AGPS: variants seen among roughly 807,000 people sequenced by gnomAD.
AGPS encodes the protein alkyldihydroxyacetonephosphate synthase, peroxisomal.
AGPS carries 26 observed loss-of-function variants against 90.7 expected under a neutral mutation model. That is an observed-to-expected ratio of 0.29 (90% CI 0.21 to 0.40). The LOEUF is 0.40. Ranked by LOEUF, AGPS falls within the 10% of genes least tolerant of loss-of-function variation. AGPS has a pLI of 1.00. For missense variants in AGPS, 540 were observed against 816.1 expected, an observed-to-expected ratio of 0.66 and a Z score of 4.12; for synonymous variants, 294 against 285.3, an observed-to-expected ratio of 1.03 and a Z score of -0.31.
At position 177,405,540 on chromosome 2, in the gene AGPS, G is replaced by A. The variant is rs370836202; in HGVS notation, c.260+12491G>A. Among the ~76,000 whole-genome samples, 54 of 152,174 alleles carry A rather than the reference G, an allele frequency of 3.5e-4. 1 individual carries two copies. The South Asian group carries it at 0.01, about 29-fold the overall frequency. On this transcript the variant is annotated intron_variant, in intron 1 of 19. Transcript: ENST00000264167. ...GATAACGTTTTGAAATTTTCCACAC[G>A]TATCACTCTTTTGAAAAGGCCTTAA...
At chr2:177,477,650 T>G (rs1372700081) in intron 10 of AGPS, among the ~76,000 whole-genome samples, 3 of 152,176 alleles carry the variant, frequency 2.0e-5, no homozygotes, top group Non-Finnish European at 2.9e-5. Context: ...ATAAGGGATA[T>G]TCAACATTTC....
At chr2:177,401,880 C>T (rs1685341664) in intron 1 of AGPS, among the ~76,000 whole-genome samples, 1 of 152,098 alleles carries the variant, frequency 6.6e-6, no homozygotes, top group Admixed American at 6.6e-5. Flanking sequence ...AATTCTAGAG[C>T]TTTTTCCTTG....
chr2:177,484,310 A>G (rs1429845145), intron 11 of AGPS, among the ~76,000 whole-genome samples: 1 of 151,868 alleles, frequency 6.6e-6, no homozygotes, highest in African/African-American at 2.4e-5. Context: ...TCTGTCTTTG[A>G]TGAGCTTCAC....
chr2:177,448,212 C>A (rs1294021852), intron 8 of AGPS, among the ~76,000 whole-genome samples: 1 of 152,086 alleles, frequency 6.6e-6, no homozygotes, highest in Non-Finnish European at 1.5e-5. Context: ...AGTTACTCAC[C>A]TTTAAGCCTC....
chr2:177,446,662 C>G (rs1230551677), intron 8 of AGPS, among the ~76,000 whole-genome samples: 5 of 152,054 alleles, frequency 3.3e-5, no homozygotes, highest in Non-Finnish European at 7.4e-5. Flanking sequence ...GTTCTGGCTG[C>G]TGTGTGGTGA....
intron 1 of AGPS, among the ~76,000 whole-genome samples, chr2:177,414,897 CGTGTGT>C (rs397986794): frequency 3.4e-5 from 5 of 146,214 alleles, no homozygotes; most frequent in African/African-American, 1.0e-4. Flanking sequence ...TATGAAGGTT[CGTGTGT>C]GTGTGTGTGT....
chr2:177,392,984 G>C lies in AGPS; in HGVS notation c.195G>C (p.Ser65=). The C allele has an allele frequency of 1.9e-6, 3 of 1,550,002 alleles. No homozygotes were observed. Among genetic ancestry groups the C allele is most frequent in the Non-Finnish European group, 2.6e-6 (3 of 1,146,602 alleles). ...TNECKARRAA[S]AATAAPTATP... is the part of the protein sequence containing the mutation. Reference sequence around the variant, plus strand: ...AGTGCAAAGCGCGGAGAGCCGCGTCGGCGGCCACGGCAGCGCCCACGGCCA... The same window carrying C: ...AGTGCAAAGCGCGGAGAGCCGCGTCCGCGGCCACGGCAGCGCCCACGGCCA... Residue 65 remains serine (S), a synonymous_variant, in exon 1 of 20, where the codon TCG becomes TCC. Transcript: ENST00000264167.
At chr2:177,454,510 G>A (rs759406598) in intron 8 of AGPS, among the ~76,000 whole-genome samples, 3 of 151,514 alleles carry the variant, frequency 2.0e-5, no homozygotes, top group Non-Finnish European at 4.4e-5. Flanking sequence ...TTCTGGATTG[G>A]TTTTGATTAT....
chr2:177,470,578 C>G (rs941548801), intron 10 of AGPS, among the ~76,000 whole-genome samples: 2 of 151,744 alleles, frequency 1.3e-5, no homozygotes, highest in Non-Finnish European at 2.9e-5. Context: ...GTGGTGCATG[C>G]CTGTAATCCC....
chr2:177,514,824 C>CCT (rs1559080353), intron 17 of AGPS, among the ~76,000 whole-genome samples: 1 of 151,972 alleles, frequency 6.6e-6, no homozygotes, highest in African/African-American at 2.4e-5. Context: ...CTGAGGAAAG[C>CCT]ATCTTTCTTA....
chr2:177,444,928 T>C (rs1277432584), intron 7 of AGPS, among the ~76,000 whole-genome samples: 1 of 152,230 alleles, frequency 6.6e-6, no homozygotes, highest in East Asian at 1.9e-4. Flanking sequence ...AGATGAAATT[T>C]AGTTCCTTCT....
chr2:177,517,471 C>T (rs1436594271), intron 17 of AGPS, among the ~76,000 whole-genome samples: 2 of 152,104 alleles, frequency 1.3e-5, no homozygotes, highest in African/African-American at 4.8e-5. Context: ...TTTTAATTCT[C>T]ATATCTCATA....
intron 1 of AGPS, among the ~76,000 whole-genome samples, chr2:177,398,277 T>C (rs1685240760): frequency 6.6e-6 from 1 of 152,238 alleles, no homozygotes; most frequent in African/African-American, 2.4e-5. Context: ...TTACCCTATT[T>C]TGAGTTCCTA....
At chr2:177,523,224 A>G (rs1689251353) in intron 18 of AGPS, among the ~76,000 whole-genome samples, 1 of 152,212 alleles carries the variant, frequency 6.6e-6, no homozygotes, top group Admixed American at 6.5e-5. Context: ...GATGCCCACT[A>G]TATGATATTA....
chr2:177,395,110 T>G (rs1421346690), intron 1 of AGPS, among the ~76,000 whole-genome samples: 1 of 152,270 alleles, frequency 6.6e-6, no homozygotes, highest in Non-Finnish European at 1.5e-5. Flanking sequence ...AATGGTTTCA[T>G]GTACATTTAT....
intron 1 of AGPS, among the ~76,000 whole-genome samples, chr2:177,395,094 T>G (rs1685135597): frequency 6.6e-6 from 1 of 152,218 alleles, no homozygotes; most frequent in Admixed American, 6.5e-5. Flanking sequence ...GGTTTAAAAT[T>G]TTCTAAATGG....
intron 2 of AGPS, among the ~76,000 whole-genome samples, chr2:177,422,428 C>T (rs1215786841): frequency 2.0e-5 from 3 of 150,884 alleles, no homozygotes; most frequent in Non-Finnish European, 4.4e-5. Flanking sequence ...TACTACCACT[C>T]CTACCAGAAT....
chr2:177,439,136 A>T (rs1686516651), intron 5 of AGPS, among the ~76,000 whole-genome samples: 1 of 152,224 alleles, frequency 6.6e-6, no homozygotes, highest in African/African-American at 2.4e-5. Flanking sequence ...GTATTTATGC[A>T]TTATTTTCAG....
chr2:177,430,026 A>T (rs1170867171), intron 2 of AGPS, among the ~76,000 whole-genome samples: 1 of 152,260 alleles, frequency 6.6e-6, no homozygotes, highest in Admixed American at 6.5e-5. Flanking sequence ...CCACCCAATG[A>T]GGAGCAATGG....
Sources: allele counts gnomAD v4.1 joint callset (sites outside exome capture counted in the v4.1 genomes callset), GRCh38; gene constraint gnomAD v4.1.1; transcripts MANE v1.5; gene names NCBI Gene and HGNC (gene_info 2026-07-23, HGNC 2026-07-21).